NRXN1: variants seen among roughly 807,000 people sequenced by gnomAD.
NRXN1 encodes neurexin-1.
A neutral mutation model predicts 150.9 loss-of-function variants in NRXN1; 39 were observed. The observed-to-expected ratio is 0.26, with a 90% CI of 0.20 to 0.34. The LOEUF is 0.34. Among genes scored for constraint, NRXN1 ranks in the 10% least tolerant of loss-of-function variants. NRXN1 has a pLI of 1.00. For synonymous variants in NRXN1, 924 were observed against 757.0 expected, an observed-to-expected ratio of 1.22 and a Z score of -3.62; for missense variants, 1,815 against 1,949.9, an observed-to-expected ratio of 0.93 and a Z score of 1.30.
intron 18 of NRXN1, among the ~76,000 whole-genome samples, chr2:50,167,850 T>C (rs1227384175): frequency 6.6e-6 from 1 of 152,188 alleles, no homozygotes; most frequent in East Asian, 1.9e-4. Flanking sequence ...GCCTCTGAGC[T>C]ATGGTCCAGG....
chr2:50,125,221 T>A (rs1221742899), intron 18 of NRXN1, among the ~76,000 whole-genome samples: 1 of 152,180 alleles, frequency 6.6e-6, no homozygotes, highest in Non-Finnish European at 1.5e-5. Context: ...GCAGCTACAT[T>A]ACCTATGAAA....
At chr2:50,358,764 T>G (rs777125880) in intron 17 of NRXN1, among the ~76,000 whole-genome samples, 14 of 152,206 alleles carry the variant, frequency 9.2e-5, no homozygotes, top group Non-Finnish European at 1.8e-4. Context: ...AGTGGGTCCC[T>G]GATCCCCATG....
intron 5 of NRXN1, among the ~76,000 whole-genome samples, chr2:50,849,857 C>T (rs1400598162): frequency 6.6e-6 from 1 of 152,122 alleles, no homozygotes; most frequent in African/African-American, 2.4e-5. Flanking sequence ...TCTACCTTCC[C>T]CAGTACACAC....
At chr2:51,018,140 G>C (rs1669026712) in intron 2 of NRXN1, among the ~76,000 whole-genome samples, 1 of 152,042 alleles carries the variant, frequency 6.6e-6, no homozygotes, top group Non-Finnish European at 1.5e-5. Context: ...CTCATCAGTT[G>C]TGTTTCCATC....
intron 17 of NRXN1, among the ~76,000 whole-genome samples, chr2:50,384,033 C>T (rs1056625858): frequency 3.3e-4 from 50 of 152,214 alleles, no homozygotes; most frequent in Non-Finnish European, 7.1e-4. Flanking sequence ...GAGAAACCTT[C>T]TCTCCATCCA....
At chr2:50,418,691 C>G (rs1409711420) in intron 17 of NRXN1, among the ~76,000 whole-genome samples, 1 of 151,928 alleles carries the variant, frequency 6.6e-6, no homozygotes, top group Admixed American at 6.6e-5. Flanking sequence ...ATCCAGGGAT[C>G]AAGGGAAATA....
chr2:50,946,509 A>T (rs555127075), intron 2 of NRXN1, among the ~76,000 whole-genome samples: 55 of 152,268 alleles, frequency 3.6e-4, no homozygotes, highest in African/African-American at 1.2e-3. Flanking sequence ...TATTCTGAAC[A>T]GTTACATTCT....
intron 5 of NRXN1, among the ~76,000 whole-genome samples, chr2:50,652,707 G>A (rs1553929361): frequency 6.6e-6 from 1 of 151,988 alleles, no homozygotes; most frequent in Non-Finnish European, 1.5e-5. Context: ...CTCTTAGGTA[G>A]GTACCTATGA....
chr2:50,596,089 C>T (rs1197263137), intron 8 of NRXN1, among the ~76,000 whole-genome samples: 1 of 152,122 alleles, frequency 6.6e-6, no homozygotes, highest in Non-Finnish European at 1.5e-5. Flanking sequence ...GCATCAGAAG[C>T]TTCTCCTCAG....
chr2:50,875,216 T>C (rs1678391733), intron 5 of NRXN1, among the ~76,000 whole-genome samples: 1 of 151,722 alleles, frequency 6.6e-6, no homozygotes, highest in Admixed American at 6.6e-5. Flanking sequence ...TTGACATCAC[T>C]ATATTACAAT....
intron 17 of NRXN1, among the ~76,000 whole-genome samples, chr2:50,313,576 G>A (rs1814972): frequency 6.6e-6 from 1 of 152,030 alleles, no homozygotes; most frequent in Non-Finnish European, 1.5e-5. Context: ...TGTAAGCCAA[G>A]GAATCTGGGC....
At chr2:49,961,851 G>A (rs774546948) in intron 21 of NRXN1, among the ~76,000 whole-genome samples, 7 of 152,094 alleles carry the variant, frequency 4.6e-5, no homozygotes, top group African/African-American at 7.2e-5. Flanking sequence ...GTGTGACACC[G>A]CAGTTCCCAA....
At chr2:50,386,235 A>G (rs986452150) in intron 17 of NRXN1, among the ~76,000 whole-genome samples, 1 of 152,286 alleles carries the variant, frequency 6.6e-6, no homozygotes, top group African/African-American at 2.4e-5. Flanking sequence ...TCATTTTGCT[A>G]TATTTGACAG....
chr2:50,289,076 C>T (rs1487597631), intron 17 of NRXN1, among the ~76,000 whole-genome samples: 2 of 151,788 alleles, frequency 1.3e-5, no homozygotes, highest in Admixed American at 6.6e-5. Context: ...AGATAGGGAA[C>T]GTATAAGGAG....
chr2:50,861,093 T>G (rs1399194875), intron 5 of NRXN1, among the ~76,000 whole-genome samples: 2 of 152,018 alleles, frequency 1.3e-5, no homozygotes, highest in African/African-American at 4.8e-5. Flanking sequence ...TTACAGTTGG[T>G]GGTAGAACAT....
chr2:51,025,771 C>T (rs7604257), intron 2 of NRXN1, among the ~76,000 whole-genome samples: 98,546 of 151,984 alleles, frequency 0.65, 32,609 homozygotes, highest in African/African-American at 0.77. Context: ...AAGAAAAAAA[C>T]TATCTTTTTT....
At chr2:50,404,897 A>C (rs1028563686) in intron 17 of NRXN1, among the ~76,000 whole-genome samples, 1 of 152,068 alleles carries the variant, frequency 6.6e-6, no homozygotes, top group East Asian at 1.9e-4. Context: ...CCTTTCATTG[A>C]ACAGAGTTCA....
chr2:51,030,993 C>T (rs1448787957), intron 1 of NRXN1, among the ~76,000 whole-genome samples: 1 of 151,888 alleles, frequency 6.6e-6, no homozygotes, highest in African/African-American at 2.4e-5. Flanking sequence ...TCCACTAATG[C>T]ACACCTTGAC....
intron 18 of NRXN1, among the ~76,000 whole-genome samples, chr2:50,164,977 G>A (rs529888093): frequency 6.6e-5 from 10 of 152,078 alleles, no homozygotes; most frequent in Non-Finnish European, 1.5e-4. Flanking sequence ...TATACATGAG[G>A]AGAGAGAGGT....
Sources: gnomAD v4.1 joint callset for allele counts (sites outside exome capture counted in the v4.1 genomes callset) on GRCh38, gnomAD v4.1.1 for gene constraint, MANE v1.5 for transcripts, NCBI Gene and HGNC (gene_info 2026-07-23, HGNC 2026-07-21) for gene names.